Variants in FUBP3 observed in about 807,000 individuals in gnomAD.
FUBP3 encodes far upstream element-binding protein 3.
FUBP3 carries 28 observed loss-of-function variants against 85.6 expected under a neutral mutation model. The ratio of observed to expected loss-of-function variants is 0.33; its 90% confidence interval spans 0.24 to 0.45. The LOEUF (loss-of-function observed/expected upper bound fraction) is 0.45, where lower values mean the gene tolerates loss of function less well. FUBP3 is among the 20% of genes least tolerant of loss of function. The probability of loss-of-function intolerance (pLI) is 1.00; values close to 1 mark genes in which losing one functional copy is unlikely to be tolerated. For synonymous variants in FUBP3, 271 were observed against 271.4 expected, an observed-to-expected ratio of 1.00 and a Z score of 0.01; for missense variants, 583 against 755.1, an observed-to-expected ratio of 0.77 and a Z score of 2.67.
intron 12 of FUBP3, among the ~76,000 whole-genome samples, chr9:130,628,098 G>A (rs545244347): frequency 0.096 from 11,153 of 116,618 alleles, 846 homozygotes; most frequent in East Asian, 0.26. Flanking sequence ...ACGCACGCAC[G>A]CACGCGCACA....
chr9:130,623,808 G>C, intron 11 of FUBP3, 97 bp downstream of exon 11: 1 of 646,480 alleles, frequency 1.5e-6, no homozygotes, highest in Non-Finnish European at 2.6e-6. Context: ...GTCACCCTGA[G>C]GCGTCTCAAG....
Position 130,620,342 on chromosome 9 carries a change from G to T in FUBP3, c.667-12G>T, listed in dbSNP as rs1245113570. ...TTTTTTCTCATAATGCTTTTTGTTT[G>T]TGTTTATGCAGCAAGCAAGAGAAAT... On this transcript the variant is annotated splice_polypyrimidine_tract_variant and intron_variant, in intron 8 of 18. Coordinates refer to ENST00000319725, the MANE Select transcript of FUBP3 (RefSeq NM_003934.2). The T allele has an allele frequency of 1.4e-6, 2 of 1,480,266 alleles. No individual in the cohort carries two copies. Among genetic ancestry groups the T allele is most frequent in the Admixed American group, 4.1e-5 (2 of 49,216 alleles). 91.7% of individuals were successfully genotyped at this position (1,480,266 alleles called of 1,614,324 possible). A position where few individuals can be genotyped will look rare whatever the true frequency, so the allele number is the denominator to read the frequency against.
At chr9:130,632,472 G>T (rs1294046813) in intron 16 of FUBP3, among the ~76,000 whole-genome samples, 194 bp downstream of exon 16, 2 of 152,360 alleles carry the variant, frequency 1.3e-5, no homozygotes, top group East Asian at 1.9e-4. Context: ...TCAGAAAAAG[G>T]CCCCAAGGGA....
intron 12 of FUBP3, among the ~76,000 whole-genome samples, chr9:130,627,973 G>A (rs1481680862): frequency 2.0e-5 from 3 of 152,110 alleles, no homozygotes; most frequent in Non-Finnish European, 4.4e-5. Context: ...TGATGAGAAC[G>A]AAGCAGTAAC....
intron 2 of FUBP3, among the ~76,000 whole-genome samples, chr9:130,607,600 C>G (rs1358656458): frequency 1.3e-5 from 2 of 152,168 alleles, no homozygotes; most frequent in Non-Finnish European, 2.9e-5. Flanking sequence ...AGTGTGACCC[C>G]TCCTCATTGC....
At chr9:130,610,698 G>A (rs866096415) in intron 3 of FUBP3, among the ~76,000 whole-genome samples, 74 of 152,320 alleles carry the variant, frequency 4.9e-4, no homozygotes, top group African/African-American at 1.8e-3. Context: ...TTTGTGCTAT[G>A]TATCTGTTGC....
intron 2 of FUBP3, among the ~76,000 whole-genome samples, chr9:130,606,738 T>G (rs553090275): frequency 6.6e-6 from 1 of 152,090 alleles, no homozygotes; most frequent in East Asian, 1.9e-4. Context: ...GAGAATCGCT[T>G]GAACCCAGGA....
intron 1 of FUBP3, among the ~76,000 whole-genome samples, chr9:130,594,953 G>A (rs995199708): frequency 4.7e-5 from 7 of 150,514 alleles, no homozygotes; most frequent in African/African-American, 1.7e-4. Flanking sequence ...GCGGCCGGGC[G>A]CAGTGGCTCA....
At chr9:130,582,602 C>G (rs1042937209) in intron 1 of FUBP3, among the ~76,000 whole-genome samples, 1 of 152,190 alleles carries the variant, frequency 6.6e-6, no homozygotes, top group Non-Finnish European at 1.5e-5. Context: ...TCAACTAGTT[C>G]AGATAAGACA....
rs1564233698 is a variant in FUBP3, at chr9:130,637,203, T to C, written c.*181T>C. ...AGGAAAATTAGTTACTAAAAATTGC[T>C]GATCATTTTTGTTTCATTATTTTTG... is the stretch of plus-strand genomic sequence containing the variant. On this transcript the variant is annotated 3_prime_UTR_variant, in exon 19 of 19. Transcript: ENST00000319725. The C allele has an allele frequency of 1.6e-6, 1 of 611,452 alleles. No homozygotes were observed. The highest frequency in any genetic ancestry group is 2.9e-6 in the Non-Finnish European group (1 of 342,430). The allele number at this position is 611,452 out of a possible 1,614,324, so 37.9% of individuals were successfully genotyped here.
Position 130,629,928 on chromosome 9 carries a change from A to G in FUBP3, c.1118-700A>G, listed in dbSNP as rs775099376. 2.0e-5 allele frequency among the ~76,000 whole-genome samples: 3 copies of G among 152,238 alleles called. No individual in the cohort carries two copies. The East Asian group carries it at 5.8e-4, about 29-fold the overall frequency. ...CTATTGTTACGCTGCTGGAGCTTTT[A>G]TTACGCAAATTTCATTAAGAGACTG... On this transcript the variant is annotated intron_variant, in intron 12 of 18. Coordinates refer to ENST00000319725, the MANE Select transcript of FUBP3 (RefSeq NM_003934.2).
chr9:130,602,968 G>A (rs1016438659), intron 2 of FUBP3, among the ~76,000 whole-genome samples: 5 of 152,226 alleles, frequency 3.3e-5, no homozygotes, highest in Non-Finnish European at 4.4e-5. Flanking sequence ...GTCACCTGGG[G>A]TGGAAAAATC....
intron 9 of FUBP3, among the ~76,000 whole-genome samples, chr9:130,621,524 A>G (rs1484064909): frequency 6.6e-6 from 1 of 152,148 alleles, no homozygotes; most frequent in Non-Finnish European, 1.5e-5. Context: ...GGAAGGCAAA[A>G]TTACTATTTT....
chr9:130,624,609 T>TTGTG (rs138986229), intron 11 of FUBP3, among the ~76,000 whole-genome samples: 3,411 of 143,912 alleles, frequency 0.024, 53 homozygotes, highest in Admixed American at 0.045. Context: ...TTACAAGATT[T>TTGTG]TGTGTGTGTG....
intron 2 of FUBP3, among the ~76,000 whole-genome samples, chr9:130,596,387 A>T (rs1310042589): frequency 6.6e-6 from 1 of 152,210 alleles, no homozygotes; most frequent in African/African-American, 2.4e-5. Flanking sequence ...ATGTATTATT[A>T]TGTGAAAAAT....
At chr9:130,622,569 T>A in intron 9 of FUBP3, 139 bp from the exon 10 acceptor site, 1 of 433,780 alleles carries the variant, frequency 2.3e-6, no homozygotes, top group Non-Finnish European at 4.2e-6. Context: ...AGGCAGAGGC[T>A]GCAGTGAGCT....
In FUBP3 at chr9:130,612,842, C is replaced by T. The variant is rs535342674; in HGVS notation, c.275-114C>T. On this transcript the variant is annotated intron_variant, in intron 4 of 18. Transcript: ENST00000319725. The surrounding 1 kb of genome is among the most constrained non-coding windows in gnomAD (Gnocchi z 4.1). ...GGAGATGGGCTCACGGGGGCCAACT[C>T]GATGTGTAGTATTGTGAGCCAAGTG... is the stretch of plus-strand genomic sequence containing the variant. 4.0e-6 allele frequency: 3 copies of T among 756,702 alleles called. No individual in the cohort carries two copies. Among genetic ancestry groups the T allele is most frequent in the South Asian group, 1.6e-5 (1 of 61,584 alleles). The allele number at this position is 756,702 out of a possible 1,614,324, so 46.9% of individuals were successfully genotyped here.
chr9:130,627,364 C>G (rs1564222012), intron 12 of FUBP3, among the ~76,000 whole-genome samples: 1 of 152,260 alleles, frequency 6.6e-6, no homozygotes, highest in Non-Finnish European at 1.5e-5. Flanking sequence ...AAACAGTCGT[C>G]TCTCCAGAGT....
rs1830243036 is a variant in FUBP3, at chr9:130,632,223, C to T, written c.1455C>T (p.Thr485=). Reference sequence around the variant, plus strand: ...ACAGTGGTCCTCCGGCCTTTCTGACCCAGGGCTGGGGCAGCACCTACCAGG... The same window carrying T: ...ACAGTGGTCCTCCGGCCTTTCTGACTCAGGGCTGGGGCAGCACCTACCAGG... The part of the protein sequence containing the change: ...TPVSGPPAFL[T]QGWGSTYQAW... Residue 485 remains threonine, a synonymous_variant, in exon 16 of 19, where the codon ACC becomes ACT. Coordinates refer to ENST00000319725, the MANE Select transcript of FUBP3 (RefSeq NM_003934.2). 1.2e-6 allele frequency: 2 copies of T among 1,614,024 alleles called. No homozygotes were observed. Among genetic ancestry groups the T allele is most frequent in the Non-Finnish European group, 1.7e-6 (2 of 1,179,916 alleles).
Sources: allele counts gnomAD v4.1 joint callset (sites outside exome capture counted in the v4.1 genomes callset), GRCh38; gene constraint gnomAD v4.1.1; non-coding constraint Gnocchi (gnomAD v3.1); transcripts MANE v1.5; gene names NCBI Gene and HGNC (gene_info 2026-07-23, HGNC 2026-07-21).